Variants in UPF2 observed in about 807,000 individuals in gnomAD.
UPF2 encodes UPF2 regulator of nonsense mediated mRNA decay.
Under a neutral mutation model 141.4 loss-of-function variants are expected in UPF2, and 17 were observed. The ratio of observed to expected loss-of-function variants is 0.12; its 90% CI spans 0.08 to 0.18. The LOEUF (loss-of-function observed/expected upper bound fraction) is 0.18, where lower values mean the gene tolerates loss of function less well. Among genes scored for constraint, UPF2 ranks in the 10% least tolerant of loss-of-function variants. UPF2 has a pLI of 1.00. For synonymous variants in UPF2, 540 were observed against 498.0 expected (o/e 1.08, Z -1.12); for missense variants, 1,152 against 1,515.9 (o/e 0.76, Z 3.99).
chr10:11,942,810 AT>A, intron 17 of UPF2, 47 bp from the exon 18 acceptor site: 1 of 1,570,836 alleles, frequency 6.4e-7, no homozygotes, highest in East Asian at 2.2e-5. Context: ...TTTAACTGTA[AT>A]GTTTTCTAGG....
chr10:11,957,798 T>G (rs1302604583), intron 12 of UPF2, among the ~76,000 whole-genome samples: 42 of 152,130 alleles, frequency 2.8e-4, no homozygotes, highest in Non-Finnish European at 2.9e-5. Context: ...CTCATAGGCA[T>G]GAGCCACTAT....
In UPF2 at chr10:11,948,504, T is replaced by C. The variant is rs749692834; in HGVS notation, c.3039A>G (p.Leu1013=). The C allele has an allele frequency of 7.4e-6, 12 of 1,612,072 alleles. No individual in the cohort carries two copies. In the Admixed American group the frequency reaches 1.8e-4, roughly 25 times the overall value. The change falls in exon 16 of 22, where the codon CTA becomes CTG. Residue 1013 remains leucine, a synonymous_variant. Coordinates refer to ENST00000357604, the MANE Select transcript of UPF2 (RefSeq NM_015542.4). ...LEREFLIKLG[L]VNDKDSKDSM... The stretch of plus-strand genomic sequence containing the variant: ...AATCTTTTGAGTCTTTGTCATTTAC[T>C]AGGCCTTGAAATGAGAAGGTGGAAA...
At chr10:11,948,300 T>G in intron 16 of UPF2, 69 bp downstream of exon 16, 1 of 1,386,880 alleles carries the variant, frequency 7.2e-7, no homozygotes, top group Non-Finnish European at 9.5e-7. Context: ...ATTAAAAAAA[T>G]TTTGGCTCAT....
intron 4 of UPF2, among the ~76,000 whole-genome samples, chr10:12,007,555 G>A (rs908500308): frequency 3.9e-5 from 6 of 152,076 alleles, no homozygotes; most frequent in African/African-American, 1.4e-4. Context: ...CGTCGGCCGG[G>A]CACAGTGGCT....
At position 11,990,678 on chromosome 10, in the gene UPF2, C is replaced by CAAA. The variant is rs10650923; in HGVS notation, c.1844+6991_1844+6993dup. Among the ~76,000 whole-genome samples the CAAA allele has an allele frequency of 2.6e-3, 255 of 97,916 alleles. 2 individuals are homozygous for CAAA. Among genetic ancestry groups the CAAA allele is most frequent in the Middle Eastern group, 8.2e-3 (1 of 122 alleles). 64.2% of individuals were successfully genotyped at this position (97,916 alleles called of 152,430 possible). On this transcript the variant is annotated intron_variant, in intron 8 of 21. Coordinates refer to ENST00000357604, the MANE Select transcript of UPF2 (RefSeq NM_015542.4). ...CTGGGTGAAGAGCAAGACTCTGTCTCAAAAAAAAAAAAAAAAAGGAAACCT... is the reference window on the plus strand; with the variant it reads ...CTGGGTGAAGAGCAAGACTCTGTCTCAAAAAAAAAAAAAAAAAAAAGGAAACCT...
intron 2 of UPF2, among the ~76,000 whole-genome samples, chr10:12,031,156 A>G (rs1588580000): frequency 6.7e-6 from 1 of 148,970 alleles, no homozygotes; most frequent in African/African-American, 2.5e-5. Context: ...CCTGGGCGAA[A>G]GAGCAAGACT....
chr10:11,944,074 G>T (rs1234874211), intron 16 of UPF2, among the ~76,000 whole-genome samples: 3 of 150,986 alleles, frequency 2.0e-5, no homozygotes, highest in African/African-American at 7.3e-5. Context: ...TGATGGCTGA[G>T]AAATAATTCC....
In UPF2 at chr10:11,952,171, T is replaced by G. The variant is rs1833083645; in HGVS notation, c.2929A>C (p.Ser977Arg). 1 of 1,613,852 alleles carries G rather than the reference T, an allele frequency of 6.2e-7. No homozygotes were observed. Among genetic ancestry groups the G allele is most frequent in the Admixed American group, 1.7e-5 (1 of 60,000 alleles). The change falls in exon 15 of 22, where the codon AGT becomes CGT. Residue 977 changes from serine to arginine, a missense_variant. Coordinates refer to ENST00000357604, the MANE Select transcript of UPF2 (RefSeq NM_015542.4). ...GGTCTTAGCAGTTCTAGTGTATCAC[T>G]GATCATGTAATCTATATCAATAGGA... ...PFPIDIDYMI[S>R]DTLELLRPKI...
In UPF2 at chr10:11,979,262, GAT is replaced by G. The variant is rs1271646086; in HGVS notation, c.1845-99_1845-98del. ...TTTCAGATGTATTCACACATTAAAT[GAT>G]CTTAAAACTCATAATCATACAGACA... On this transcript the variant is annotated intron_variant, in intron 8 of 21. Coordinates refer to ENST00000357604, the MANE Select transcript of UPF2 (RefSeq NM_015542.4). The surrounding 1 kb of genome is among the most constrained non-coding windows in gnomAD (Gnocchi z 6.2). The G allele has an allele frequency of 1.2e-6, 1 of 860,712 alleles. No homozygotes were observed. Among genetic ancestry groups the G allele is most frequent in the Non-Finnish European group, 1.8e-6 (1 of 561,536 alleles). The allele number at this position is 860,712 out of a possible 1,614,324, so 53.3% of individuals were successfully genotyped here. A position where few individuals can be genotyped will look rare whatever the true frequency, so the allele number is the denominator to read the frequency against.
At position 12,016,981 on chromosome 10, in the gene UPF2, T is replaced by C. The variant is rs900587372; in HGVS notation, c.1146-2797A>G. On this transcript the variant is annotated intron_variant, in intron 3 of 21. Transcript: ENST00000357604. This position sits in a 1 kb window ranked among gnomAD's most constrained non-coding sequence, Gnocchi z 4.1. ...GTTGCAGTGAGCTGAGATTGCACCA[T>C]TGCACTCCAGCCTGAGCAACAGAGC... Among the ~76,000 whole-genome samples the C allele has an allele frequency of 1.3e-5, 2 of 148,576 alleles. No individual in the cohort carries two copies. Among genetic ancestry groups the C allele is most frequent in the Non-Finnish European group, 3.0e-5 (2 of 67,580 alleles).
At chr10:11,944,206 G>A (rs542267754) in intron 16 of UPF2, among the ~76,000 whole-genome samples, 8 of 152,244 alleles carry the variant, frequency 5.3e-5, no homozygotes, top group South Asian at 4.1e-4. Context: ...TTTCAAAAAC[G>A]TATACCAATG....
chr10:12,006,187 T>C (rs2131273223), intron 4 of UPF2, among the ~76,000 whole-genome samples: 1 of 152,322 alleles, frequency 6.6e-6, no homozygotes, highest in Admixed American at 6.5e-5. Context: ...GCCTTTATTT[T>C]CTTTTATGCC....
At chr10:11,991,328 G>A (rs1279683029) in intron 8 of UPF2, among the ~76,000 whole-genome samples, 1 of 152,010 alleles carries the variant, frequency 6.6e-6, no homozygotes, top group Non-Finnish European at 1.5e-5. Context: ...AACAGTGACT[G>A]GTAAGAATAA....
intron 14 of UPF2, 120 bp from the exon 15 acceptor site, chr10:11,952,369 C>T (rs1833086750): frequency 1.8e-5 from 15 of 854,918 alleles, no homozygotes; most frequent in Non-Finnish European, 2.4e-5. Flanking sequence ...TTATAAAAGA[C>T]ACTTACCATT....
chr10:11,995,031 A>C (rs1245906896), intron 8 of UPF2, among the ~76,000 whole-genome samples: 1 of 147,164 alleles, frequency 6.8e-6, no homozygotes, highest in Non-Finnish European at 1.5e-5. Context: ...TCTGGCAGGG[A>C]GACAGGAAGC....
chr10:11,985,926 C>T (rs1842641661), intron 8 of UPF2, among the ~76,000 whole-genome samples: 1 of 101,600 alleles, frequency 9.8e-6, no homozygotes, highest in Non-Finnish European at 1.8e-5. Context: ...GCTGTGTCGC[C>T]CAGGCTGGAG....
At chr10:12,036,683 T>C (rs762276950) in intron 1 of UPF2, among the ~76,000 whole-genome samples, 5 of 152,236 alleles carry the variant, frequency 3.3e-5, no homozygotes, top group Non-Finnish European at 7.3e-5. Flanking sequence ...CTTTTAGGCA[T>C]GGTGTTTCAC....
At chr10:12,025,543 C>T (rs200128041) in intron 3 of UPF2, among the ~76,000 whole-genome samples, 3 of 122,644 alleles carry the variant, frequency 2.4e-5, no homozygotes, top group African/African-American at 1.0e-4. Context: ...AGTAAGACTC[C>T]ATCTCTAAAT....
chr10:12,033,263 T>A (rs1396436169), intron 2 of UPF2, among the ~76,000 whole-genome samples: 2 of 152,036 alleles, frequency 1.3e-5, no homozygotes, highest in Non-Finnish European at 2.9e-5. Flanking sequence ...AGGCCAGGCA[T>A]GGTGGCTCAT....
Sources: allele counts gnomAD v4.1 joint callset (sites outside exome capture counted in the v4.1 genomes callset), GRCh38; gene constraint gnomAD v4.1.1; non-coding constraint Gnocchi (gnomAD v3.1); transcripts MANE v1.5; gene names NCBI Gene and HGNC (gene_info 2026-07-23, HGNC 2026-07-21).